Variants in KDM4B observed in about 807,000 individuals in gnomAD.
KDM4B encodes the protein lysine demethylase 4B, also known as lysine-specific demethylase 4B.
Under a neutral mutation model 125.2 loss-of-function variants are expected in KDM4B, and 32 were observed. That is an observed-to-expected ratio of 0.26 (90% CI 0.19 to 0.34). The LOEUF (loss-of-function observed/expected upper bound fraction) is 0.34. Ranked by LOEUF, KDM4B falls within the 10% of genes least tolerant of loss-of-function variation. The pLI is 1.00. For synonymous variants in KDM4B, 721 were observed against 677.9 expected (o/e 1.06, Z -0.99); for missense variants, 1,190 against 1,577.7 (o/e 0.75, Z 4.16).
intron 1 of KDM4B, among the ~76,000 whole-genome samples, chr19:4,975,651 G>A (rs543906290): frequency 6.6e-6 from 1 of 151,062 alleles, no homozygotes; most frequent in East Asian, 2.0e-4. Flanking sequence ...GGGGCGCAGT[G>A]GGCTGATCTC....
intron 9 of KDM4B, among the ~76,000 whole-genome samples, chr19:5,083,712 C>T (rs955738282): frequency 2.0e-5 from 3 of 152,210 alleles, no homozygotes; most frequent in East Asian, 1.9e-4. Context: ...CCCCTCCCGG[C>T]GTCTCCCTCT....
chr19:5,048,019 G>A (rs1027308822), intron 6 of KDM4B, among the ~76,000 whole-genome samples: 8 of 152,226 alleles, frequency 5.3e-5, no homozygotes, highest in Admixed American at 2.6e-4. Context: ...AAGTGGAGAC[G>A]TTCCTGGTGA....
intron 21 of KDM4B, 56 bp downstream of exon 21, chr19:5,144,958 G>A (rs971088913): frequency 6.2e-7 from 1 of 1,608,360 alleles, no homozygotes; most frequent in Non-Finnish European, 8.5e-7. Context: ...TCTTGTAGGT[G>A]CGGGGACAGG....
intron 1 of KDM4B, among the ~76,000 whole-genome samples, chr19:5,015,515 G>A (rs2035865150): frequency 6.6e-6 from 1 of 151,842 alleles, no homozygotes; most frequent in African/African-American, 2.4e-5. Flanking sequence ...GCCTCCCAAA[G>A]TGCTGGGATT....
chr19:4,998,339 T>C (rs1425504255), intron 1 of KDM4B, among the ~76,000 whole-genome samples: 3 of 152,220 alleles, frequency 2.0e-5, no homozygotes, highest in African/African-American at 7.2e-5. Context: ...TTTTTTGTTG[T>C]TTTTGTTTTA....
At chr19:5,130,226 C>T (rs2039518169) in intron 11 of KDM4B, among the ~76,000 whole-genome samples, 1 of 152,204 alleles carries the variant, frequency 6.6e-6, no homozygotes, top group African/African-American at 2.4e-5. Flanking sequence ...CCACAGAGTC[C>T]CCTCTGCCAG....
At chr19:5,102,393 G>A (rs974174027) in intron 9 of KDM4B, among the ~76,000 whole-genome samples, 1 of 152,198 alleles carries the variant, frequency 6.6e-6, no homozygotes, top group African/African-American at 2.4e-5. Flanking sequence ...GTGTTGCCTG[G>A]CAGGGAGTGG....
At position 5,082,078 on chromosome 19, in the gene KDM4B, T is replaced by C. The variant is rs920532550; in HGVS notation, c.781-289T>C. Among the ~76,000 whole-genome samples the C allele has an allele frequency of 6.6e-5, 10 of 152,318 alleles. No individual in the cohort carries two copies. The highest frequency in any genetic ancestry group is 1.9e-4 in the African/African-American group (8 of 41,566). On this transcript the variant is annotated intron_variant, in intron 8 of 22. Coordinates refer to ENST00000159111, the MANE Select transcript of KDM4B (RefSeq NM_015015.3). The surrounding 1 kb of genome is among the most constrained non-coding windows in gnomAD (Gnocchi z 5.4). ...TGCGGTTCTCCCACTGGGGTGATGC[T>C]GACGGCCGCCTTGGGGCAGGGCAGG...
At chr19:5,075,907 T>TG (rs527566585) in intron 7 of KDM4B, 205 of 154,392 alleles carry the variant, frequency 1.3e-3, no homozygotes, top group African/African-American at 4.3e-3. Context: ...CTGTGCTGTG[T>TG]GGGGGGGCAG....
intron 6 of KDM4B, among the ~76,000 whole-genome samples, chr19:5,055,214 G>C (rs986424251): frequency 2.0e-5 from 3 of 152,158 alleles, no homozygotes; most frequent in African/African-American, 7.2e-5. Flanking sequence ...AACACCTCTC[G>C]GCCAGGGTGA....
At chr19:5,096,424 T>A (rs957525573) in intron 9 of KDM4B, among the ~76,000 whole-genome samples, 6 of 152,118 alleles carry the variant, frequency 3.9e-5, no homozygotes, top group Non-Finnish European at 5.9e-5. Context: ...CCATCCGGAC[T>A]CCTGGCAGCA....
Position 5,033,041 on chromosome 19 carries a change from A to C in KDM4B, c.141+10A>C. On this transcript the variant is annotated intron_variant, in intron 3 of 22. Transcript: ENST00000159111. ...GGCGGGCCTGGCCAAGGTGGGTGAC[A>C]TCCTGGCCCCAGCGCGGCCCTCCAT... 6.2e-7 allele frequency: 1 copy of C among 1,612,238 alleles called. No homozygotes were observed. Among genetic ancestry groups the C allele is most frequent in the Non-Finnish European group, 8.5e-7 (1 of 1,179,234 alleles).
intron 1 of KDM4B, among the ~76,000 whole-genome samples, chr19:4,992,126 C>T (rs1176889426): frequency 1.3e-5 from 2 of 152,090 alleles, no homozygotes; most frequent in Non-Finnish European, 2.9e-5. Flanking sequence ...TTTGTGTTGA[C>T]GGAACAGCCC....
intron 1 of KDM4B, among the ~76,000 whole-genome samples, chr19:4,974,878 C>T (rs755241762): frequency 5.3e-5 from 8 of 152,018 alleles, no homozygotes; most frequent in East Asian, 1.9e-4. Flanking sequence ...GTGGCCCCTT[C>T]GCTCTGTCAT....
chr19:5,123,933 G>A (rs2039406216), intron 11 of KDM4B, among the ~76,000 whole-genome samples: 1 of 151,962 alleles, frequency 6.6e-6, no homozygotes, highest in East Asian at 1.9e-4. Context: ...TGGAGGGACT[G>A]GCGTGGGACA....
rs762864738 is a variant in KDM4B, at chr19:5,138,087, G to A, written c.2550+17G>A. 6.3e-6 allele frequency: 10 copies of A among 1,594,816 alleles called. No homozygotes were observed. Among genetic ancestry groups the A allele is most frequent in the East Asian group, 4.5e-5 (2 of 44,594 alleles). ...TGGAAGCTGGTAGGTCCTTGCGGTC[G>A]AGGCCCACCCTGCCCGTGCCTCTAG... On this transcript the variant is annotated intron_variant, in intron 18 of 22. Transcript: ENST00000159111.
intron 11 of KDM4B, among the ~76,000 whole-genome samples, chr19:5,129,874 G>A (rs952405303): frequency 2.0e-5 from 3 of 152,190 alleles, no homozygotes; most frequent in African/African-American, 4.8e-5. Flanking sequence ...CGAGGACAGG[G>A]CTCCAAGTTG....
intron 6 of KDM4B, among the ~76,000 whole-genome samples, chr19:5,058,181 C>T (rs1371668153): frequency 6.6e-6 from 1 of 152,254 alleles, no homozygotes; most frequent in Non-Finnish European, 1.5e-5. Flanking sequence ...GGGTGCCCTG[C>T]AGGGGCTCAG....
Position 5,144,817 on chromosome 19 carries a change from A to G in KDM4B, c.2936A>G (p.Glu979Gly), listed in dbSNP as rs1464812181. ...RDCVQLGPPS[E>G]GELVELRWTD... is the part of the protein sequence containing the mutation. ...TGTGTCCAGCTGGGACCCCCTTCCG[A>G]GGGGGAGCTGGTGGAGCTCCGGTGG... Residue 979 changes from glutamate to glycine, a missense_variant, in exon 21 of 23, where the codon GAG becomes GGG. Coordinates refer to ENST00000159111, the MANE Select transcript of KDM4B (RefSeq NM_015015.3). 6.2e-7 allele frequency: 1 copy of G among 1,613,236 alleles called. No homozygotes were observed. Among genetic ancestry groups the G allele is most frequent in the South Asian group, 1.1e-5 (1 of 91,054 alleles).
Sources: gnomAD v4.1 joint callset for allele counts (sites outside exome capture counted in the v4.1 genomes callset) on GRCh38, gnomAD v4.1.1 for gene constraint, Gnocchi (gnomAD v3.1) non-coding constraint, MANE v1.5 for transcripts, NCBI Gene and HGNC (gene_info 2026-07-23, HGNC 2026-07-21) for gene names.